Variants in IGFN1 observed in about 807,000 individuals in gnomAD.
IGFN1 encodes the protein immunoglobulin-like and fibronectin type III domain-containing protein 1.
A neutral mutation model predicts 289.5 loss-of-function variants in IGFN1; 253 were observed. The ratio of observed to expected loss-of-function variants is 0.87; its 90% confidence interval spans 0.79 to 0.97. IGFN1 has a LOEUF of 0.97. Ranked by LOEUF, IGFN1 falls within the 50% of genes least tolerant of loss-of-function variation. The pLI is 0.00. For missense variants in IGFN1, 4,470 were observed against 4,686.1 expected, an observed-to-expected ratio of 0.95 and a Z score of 1.35; for synonymous variants, 1,706 against 1,788.5, an observed-to-expected ratio of 0.95 and a Z score of 1.16.
intron 15 of IGFN1, 71 bp downstream of exon 15, chr1:201,215,909 G>A: frequency 3.5e-6 from 5 of 1,446,462 alleles, no homozygotes; most frequent in East Asian, 2.3e-5. Context: ...TGCCATCAAG[G>A]GCAGGCCTGG....
At chr1:201,203,635 T>C (rs1667256475) in intron 9 of IGFN1, 103 bp from the exon 10 acceptor site, 1 of 1,062,634 alleles carries the variant, frequency 9.4e-7, no homozygotes. Flanking sequence ...GTCTGGCGAC[T>C]GGGCCCGTGG....
In IGFN1 at chr1:201,226,922, C is replaced by T; in HGVS notation, c.10827C>T (p.Asp3609=). The change falls in exon 23 of 24, where the codon GAC becomes GAT. Residue 3609 remains aspartate (D), a synonymous_variant. Coordinates refer to ENST00000335211, the MANE Select transcript of IGFN1 (RefSeq NM_001164586.2). ...AGGCTCCGTGCTACCGGGAGCCCGA[C>T]CTGAGCCAGAAGCCCCGGTTCCTGG... is the stretch of plus-strand genomic sequence containing the variant. ...TVKAPCYREP[D]LSQKPRFLVG... is the part of the protein sequence containing the mutation. 6.2e-7 allele frequency: 1 copy of T among 1,609,280 alleles called. No homozygotes were observed. Among genetic ancestry groups the T allele is most frequent in the Non-Finnish European group, 8.5e-7 (1 of 1,177,638 alleles).
intron 5 of IGFN1, among the ~76,000 whole-genome samples, chr1:201,197,625 G>A (rs542336935): frequency 3.3e-5 from 5 of 152,308 alleles, no homozygotes; most frequent in Admixed American, 6.5e-5. Context: ...AATGGGCTTC[G>A]TTTTCCTCTC....
intron 7 of IGFN1, 125 bp downstream of exon 7, chr1:201,199,779 G>A: frequency 1.3e-6 from 1 of 752,724 alleles, no homozygotes; most frequent in Non-Finnish European, 2.2e-6. Context: ...TAGACTGCCA[G>A]TAGCAGATGG....
In IGFN1 at chr1:201,211,776, A is replaced by G; in HGVS notation, c.6883A>G (p.Arg2295Gly). 6.5e-7 allele frequency: 1 copy of G among 1,536,756 alleles called. No individual in the cohort carries two copies. Among genetic ancestry groups the G allele is most frequent in the Non-Finnish European group, 8.7e-7 (1 of 1,146,754 alleles). The change falls in exon 12 of 24, where the codon AGG (arginine) becomes GGG (glycine). Residue 2295 changes from arginine to glycine, a missense_variant. Around this residue, in one of 8 missense-constraint regions of IGFN1, gnomAD observed 2,218 missense variants for 2,114.1 expected, o/e 1.05. Transcript: ENST00000335211. ...TAAGAATGTTTTAGGGGGTTCTGGG[A>G]GGAATCCATTAGGGAGCGAGGCAGG... ...GYKNVLGGSG[R>G]NPLGSEAGSR...
chr1:201,192,329 C>A (rs905899822), intron 1 of IGFN1, among the ~76,000 whole-genome samples: 2 of 152,180 alleles, frequency 1.3e-5, no homozygotes, highest in Non-Finnish European at 2.9e-5. Context: ...AAAATGGAAC[C>A]GCTTGGCCAT....
chr1:201,211,422 G>A lies in IGFN1; in HGVS notation c.6529G>A (p.Gly2177Ser). The change falls in exon 12 of 24, where the codon GGT (glycine) becomes AGT (serine). Residue 2177 changes from glycine to serine, a missense_variant. By Grantham distance (56) the Gly-to-Ser change is moderately conservative. Transcript: ENST00000335211. Reference protein sequence around the residue: ...SGEMGSMDEAGYRKDLGAPEG... With the variant: ...SGEMGSMDEASYRKDLGAPEG... Reference sequence around the variant, plus strand: ...GGAAATGGGGTCAATGGATGAGGCAGGTTATAGGAAGGATTTGGGAGCTCC... The same window carrying A: ...GGAAATGGGGTCAATGGATGAGGCAAGTTATAGGAAGGATTTGGGAGCTCC... The A allele has an allele frequency of 1.3e-6, 2 of 1,500,308 alleles. No individual in the cohort carries two copies. The highest frequency in any genetic ancestry group is 2.5e-5 in the South Asian group (2 of 80,328). The allele number at this position is 1,500,308 out of a possible 1,614,324, so 92.9% of individuals were successfully genotyped here. A position where few individuals can be genotyped will look rare whatever the true frequency, so the allele number is the denominator to read the frequency against.
chr1:201,221,512 G>C lies in IGFN1; in HGVS notation c.9967G>C (p.Ala3323Pro). 1 of 1,613,902 alleles carries C rather than the reference G, an allele frequency of 6.2e-7. No homozygotes were observed. Among genetic ancestry groups the C allele is most frequent in the Non-Finnish European group, 8.5e-7 (1 of 1,179,884 alleles). ...GAACACCAGCATCACTCTGAGCTGG[G>C]CTGGGCCAGACACCCAGGAAGGGGA... ...RSNTSITLSW[A>P]GPDTQEGDEA... Residue 3323 changes from alanine (A) to proline (P), a missense_variant, in exon 19 of 24, where the codon GCT (alanine) becomes CCT (proline). This residue lies in a region of IGFN1 where 2,218 missense variants were observed against 2,114.1 expected (regional missense o/e 1.05). Transcript: ENST00000335211.
At chr1:201,200,484 G>A in intron 8 of IGFN1, 73 bp downstream of exon 8, 2 of 1,276,814 alleles carry the variant, frequency 1.6e-6, no homozygotes, top group South Asian at 2.7e-5. Flanking sequence ...CTCACACCTG[G>A]AGGTGGGCTT....
In IGFN1 at chr1:201,207,230, A is replaced by G; in HGVS notation, c.2337A>G (p.Gly779=). The change falls in exon 12 of 24, where the codon GGA becomes GGG. Residue 779 remains glycine (G), a synonymous_variant. Transcript: ENST00000335211. ...ACAAAACTGGCCCTGGAGGCCCAGG[A>G]GACCCCAGAGGCTGCGAAGGTGTCC... The part of the protein sequence containing the change: ...SAYKTGPGGP[G]DPRGCEGVLQ... 6.5e-7 allele frequency: 1 copy of G among 1,536,830 alleles called. No individual in the cohort carries two copies. The highest frequency in any genetic ancestry group is 8.7e-7 in the Non-Finnish European group (1 of 1,146,866).
chr1:201,200,369 G>A lies in IGFN1; in HGVS notation c.591G>A (p.Arg197=). The A allele has an allele frequency of 6.4e-7, 1 of 1,551,776 alleles. No homozygotes were observed. The highest frequency in any genetic ancestry group is 1.4e-5 in the African/African-American group (1 of 73,178). ...GIVDYRGMLR[R]LQEMKKEQED... ...TCGACTACCGTGGCATGTTGCGCAGGCTGCAGGAGATGAAGAAGGAACAGG... is the reference window on the plus strand; with the variant it reads ...TCGACTACCGTGGCATGTTGCGCAGACTGCAGGAGATGAAGAAGGAACAGG... Residue 197 remains arginine (R), a synonymous_variant, in exon 8 of 24, where the codon AGG becomes AGA. Coordinates refer to ENST00000335211, the MANE Select transcript of IGFN1 (RefSeq NM_001164586.2).
At chr1:201,218,775 G>A in intron 18 of IGFN1, 117 bp downstream of exon 18, 1 of 1,009,562 alleles carries the variant, frequency 9.9e-7, no homozygotes, top group South Asian at 1.7e-5. Flanking sequence ...GAGGGAGATG[G>A]TCAGGAGGGC....
intron 5 of IGFN1, among the ~76,000 whole-genome samples, chr1:201,198,756 G>T (rs1352539879): frequency 6.6e-6 from 1 of 152,148 alleles, no homozygotes; most frequent in Admixed American, 6.5e-5. Context: ...GGAAGCAAAG[G>T]CTTTCTCAGA....
Position 201,219,144 on chromosome 1 carries a change from A to G in IGFN1, c.9898+486A>G, listed in dbSNP as rs1212814540. Among the ~76,000 whole-genome samples the G allele has an allele frequency of 2.0e-5, 3 of 151,930 alleles. No homozygotes were observed. The South Asian group carries it at 6.2e-4, about 32-fold the overall frequency. ...GGCAGGCCAGCCCCCAAGCTGGCCC[A>G]CCTGCCCCAGTCTCATAAGCATCCA... On this transcript the variant is annotated intron_variant, in intron 18 of 23. Transcript: ENST00000335211.
rs998910676 is a variant in IGFN1, at chr1:201,213,066, C to G, written c.8173C>G (p.Leu2725Val). Residue 2725 changes from leucine (L) to valine (V), a missense_variant, in exon 12 of 24, where the codon CTC (leucine) becomes GTC (valine). Leu to Val is a conservative substitution (Grantham distance 32). Coordinates refer to ENST00000335211, the MANE Select transcript of IGFN1 (RefSeq NM_001164586.2). ...GAATTCTACTGAGTGGGGGAATGCC[C>G]TCACCCCAAAACCTGGGGAGTCCGG... is the stretch of plus-strand genomic sequence containing the variant. Reference protein sequence around the residue: ...KGNSTEWGNALTPKPGESGPQ... With the variant: ...KGNSTEWGNAVTPKPGESGPQ... 2.4e-5 allele frequency: 37 copies of G among 1,551,498 alleles called. 1 individual carries two copies. The Admixed American group carries it at 2.5e-4, about 11-fold the overall frequency.
In IGFN1 at chr1:201,211,738, A is replaced by G. The variant is rs560086558; in HGVS notation, c.6845A>G (p.Asp2282Gly). The G allele has an allele frequency of 2.3e-5, 36 of 1,536,912 alleles. No individual in the cohort carries two copies. Among genetic ancestry groups the G allele is most frequent in the Non-Finnish European group, 3.0e-5 (34 of 1,146,770 alleles). Residue 2282 changes from aspartate (D) to glycine (G), a missense_variant, in exon 12 of 24, where the codon GAT (aspartate) becomes GGT (glycine). This residue lies in a region of IGFN1 where 2,218 missense variants were observed against 2,114.1 expected (regional missense o/e 1.05). Coordinates refer to ENST00000335211, the MANE Select transcript of IGFN1 (RefSeq NM_001164586.2). ...AGTTCTGGAAAAATCAGTTCAGGGG[A>G]TGAGGCAGGTTATAAGAATGTTTTA... is the stretch of plus-strand genomic sequence containing the variant. ...LGSSGKISSG[D>G]EAGYKNVLGG...
chr1:201,206,240 G>C lies in IGFN1; in HGVS notation c.1347G>C (p.Gly449=), dbSNP rs981613013. The change falls in exon 12 of 24, where the codon GGG becomes GGC. Residue 449 remains glycine, a synonymous_variant. Transcript: ENST00000335211. ...GGGGGGGCTCCCTTGAAGGGGCTGGGCCGGCTTCTGGGCTCCAGCACATAG... is the reference window on the plus strand; with the variant it reads ...GGGGGGGCTCCCTTGAAGGGGCTGGCCCGGCTTCTGGGCTCCAGCACATAG... ...GPRGGSLEGA[G]PASGLQHIAS... 6.5e-7 allele frequency: 1 copy of C among 1,547,522 alleles called. No individual in the cohort carries two copies. The highest frequency in any genetic ancestry group is 1.4e-5 in the African/African-American group (1 of 72,904).
Position 201,208,605 on chromosome 1 carries a change from G to A in IGFN1, c.3712G>A (p.Gly1238Ser), listed in dbSNP as rs563940179. The change falls in exon 12 of 24, where the codon GGC (glycine) becomes AGC (serine). Residue 1238 changes from glycine (G) to serine (S), a missense_variant. Physicochemically the swap from Gly to Ser is moderately conservative, Grantham distance 56. Transcript: ENST00000335211. ...VRTAYGERSRGLGPRSTGPGG... is the reference protein window; with the variant it reads ...VRTAYGERSRSLGPRSTGPGG... ...AACAGCCTATGGAGAAAGGTCAAGGGGCCTTGGGCCTAGGAGTACAGGGCC... is the reference window on the plus strand; with the variant it reads ...AACAGCCTATGGAGAAAGGTCAAGGAGCCTTGGGCCTAGGAGTACAGGGCC... The A allele has an allele frequency of 5.7e-5, 86 of 1,503,664 alleles. 1 individual carries two copies. In the Middle Eastern group the frequency reaches 1.4e-3, roughly 24 times the overall value. The allele number at this position is 1,503,664 out of a possible 1,614,324, so 93.1% of individuals were successfully genotyped here. A position where few individuals can be genotyped will look rare whatever the true frequency, so the allele number is the denominator to read the frequency against.
intron 12 of IGFN1, 152 bp downstream of exon 12, chr1:201,213,773 T>C: frequency 1.5e-6 from 1 of 666,326 alleles, no homozygotes; most frequent in Non-Finnish European, 2.5e-6. Flanking sequence ...CTTTTGCAAA[T>C]TTAGGAAGCA....
Sources: gnomAD v4.1 joint callset for allele counts (sites outside exome capture counted in the v4.1 genomes callset) on GRCh38, gnomAD v4.1.1 for gene constraint, gnomAD v4.1.1 regional missense constraint, MANE v1.5 for transcripts, NCBI Gene and HGNC (gene_info 2026-07-23, HGNC 2026-07-21) for gene names.